Variants in SLC26A4 observed in about 807,000 individuals in gnomAD.
SLC26A4 encodes solute carrier family 26 member 4, also known as pendrin.
Under a neutral mutation model 90.4 loss-of-function variants are expected in SLC26A4, and 93 were observed. The observed-to-expected ratio is 1.03, with a 90% CI of 0.87 to 1.22. SLC26A4 has a LOEUF of 1.22. SLC26A4 is among the 50% of genes most tolerant of loss of function. The pLI, the probability that SLC26A4 is intolerant of heterozygous loss-of-function variation, is 0.00. For missense variants in SLC26A4, 1,127 were observed against 946.2 expected, an observed-to-expected ratio of 1.19 and a Z score of -2.51; for synonymous variants, 393 against 354.6, an observed-to-expected ratio of 1.11 and a Z score of -1.22.
At chr7:107,667,931 C>T (rs981493921) in intron 3 of SLC26A4, among the ~76,000 whole-genome samples, 9 of 152,048 alleles carry the variant, frequency 5.9e-5, no homozygotes, top group Admixed American at 2.6e-4. Flanking sequence ...GAATATGTCC[C>T]TTAACTTTGA....
Position 107,702,034 on chromosome 7 carries a change from G to T in SLC26A4, c.2011G>T (p.Val671Phe). The T allele has an allele frequency of 6.2e-7, 1 of 1,613,004 alleles. No individual in the cohort carries two copies. Among genetic ancestry groups the T allele is most frequent in the Non-Finnish European group, 8.5e-7 (1 of 1,179,000 alleles). Residue 671 changes from valine (V) to phenylalanine (F), a missense_variant, in exon 17 of 21, where the codon GTT (valine) becomes TTT (phenylalanine). By Grantham distance (50) the Val-to-Phe change is conservative. Transcript: ENST00000644269. ...TGGAGCTATATCTTTCCTGGACGTTGTTGGAGTGAGATCACTGCGGGTGGT... is the reference window on the plus strand; with the variant it reads ...TGGAGCTATATCTTTCCTGGACGTTTTTGGAGTGAGATCACTGCGGGTGGT... ...DCGAISFLDV[V>F]GVRSLRVIVK...
At chr7:107,684,381 A>G (rs1272620099) in intron 8 of SLC26A4, among the ~76,000 whole-genome samples, 1 of 152,170 alleles carries the variant, frequency 6.6e-6, no homozygotes, top group Non-Finnish European at 1.5e-5. Context: ...AGGGGAGGGA[A>G]GGGCACGGAG....
At chr7:107,705,703 A>T (rs1250624882) in intron 18 of SLC26A4, among the ~76,000 whole-genome samples, 1 of 152,240 alleles carries the variant, frequency 6.6e-6, no homozygotes, top group Non-Finnish European at 1.5e-5. Context: ...AGTTTTAACT[A>T]CAGCACTATC....
chr7:107,699,945 AAAAG>A (rs1791840129), intron 14 of SLC26A4, 134 bp from the exon 15 acceptor site: 1 of 649,492 alleles, frequency 1.5e-6, no homozygotes, highest in Non-Finnish European at 2.8e-6. Context: ...AAAAAAAAAG[AAAAG>A]AAAGAAAAGT....
chr7:107,714,453 T>C (rs530724505), intron 20 of SLC26A4, among the ~76,000 whole-genome samples: 2 of 152,312 alleles, frequency 1.3e-5, no homozygotes, highest in African/African-American at 2.4e-5. Flanking sequence ...AGTACCTGCA[T>C]CTTGGCCCAC....
intron 14 of SLC26A4, 42 bp from the exon 15 acceptor site, chr7:107,700,039 AGG>A: frequency 1.8e-6 from 2 of 1,112,982 alleles, no homozygotes; most frequent in South Asian, 2.5e-5. Flanking sequence ...TAAATACTTG[AGG>A]CTTGAAATTA....
chr7:107,697,769 A>T (rs1791778738), intron 13 of SLC26A4, among the ~76,000 whole-genome samples: 1 of 152,214 alleles, frequency 6.6e-6, no homozygotes, highest in Admixed American at 6.5e-5. Flanking sequence ...TGAAAGCTCT[A>T]TGCTTATCCT....
At chr7:107,707,701 T>C (rs1792070403) in intron 18 of SLC26A4, among the ~76,000 whole-genome samples, 1 of 152,188 alleles carries the variant, frequency 6.6e-6, no homozygotes, top group South Asian at 2.1e-4. Flanking sequence ...TCTATAAAAA[T>C]ATAGCACAAA....
chr7:107,711,421 A>T (rs1450473783), intron 19 of SLC26A4, among the ~76,000 whole-genome samples: 2 of 152,126 alleles, frequency 1.3e-5, no homozygotes, highest in African/African-American at 4.8e-5. Context: ...AAAACCACTA[A>T]CCAAGAGTGT....
At chr7:107,683,710 C>T (rs937994063) in intron 8 of SLC26A4, among the ~76,000 whole-genome samples, 173 bp downstream of exon 8, 4 of 151,942 alleles carry the variant, frequency 2.6e-5, no homozygotes, top group African/African-American at 7.3e-5. Flanking sequence ...TGTAGATAAA[C>T]GTCAAGCCAT....
At chr7:107,683,587 T>G in intron 8 of SLC26A4, 50 bp downstream of exon 8, 1 of 1,418,158 alleles carries the variant, frequency 7.1e-7, no homozygotes, top group Non-Finnish European at 9.9e-7. Flanking sequence ...AGTAAGTCAG[T>G]CTTTTTTATT....
Position 107,663,533 on chromosome 7 carries a change from A to G in SLC26A4, c.304+98A>G. On this transcript the variant is annotated intron_variant, in intron 3 of 20. Transcript: ENST00000644269. ...TGTGACAGATGGTTGCTTACCCTTC[A>G]AGGCCTGTATCTTTCCTGTAGAGCC... is the stretch of plus-strand genomic sequence containing the variant. 8 of 1,330,914 alleles carry G rather than the reference A, an allele frequency of 6.0e-6. No individual in the cohort carries two copies. In the Admixed American group the frequency reaches 1.4e-4, roughly 23 times the overall value. The allele number at this position is 1,330,914 out of a possible 1,614,324, so 82.4% of individuals were successfully genotyped here.
At chr7:107,696,950 C>G (rs146712890) in intron 13 of SLC26A4, among the ~76,000 whole-genome samples, 2 of 152,116 alleles carry the variant, frequency 1.3e-5, no homozygotes, top group Non-Finnish European at 2.9e-5. Flanking sequence ...GCTTAGCATC[C>G]GCTCACCTCT....
chr7:107,681,182 A>G (rs1791219987), intron 6 of SLC26A4, among the ~76,000 whole-genome samples: 2 of 152,232 alleles, frequency 1.3e-5, no homozygotes, highest in Admixed American at 1.3e-4. Context: ...TGAATTTGTT[A>G]GTACTGGATT....
intron 20 of SLC26A4, among the ~76,000 whole-genome samples, chr7:107,714,495 AC>A (rs1166992865): frequency 2.9e-4 from 44 of 152,120 alleles, no homozygotes; most frequent in Non-Finnish European, 1.5e-5. Context: ...GTCATTATCG[AC>A]CTGAGAAGTC....
At chr7:107,691,442 C>T (rs1791571303) in intron 10 of SLC26A4, among the ~76,000 whole-genome samples, 1 of 150,508 alleles carries the variant, frequency 6.6e-6, no homozygotes. Flanking sequence ...GTGGAGGTTG[C>T]AGTGAGCCAA....
chr7:107,696,678 G>A (rs1791751799), intron 13 of SLC26A4, among the ~76,000 whole-genome samples: 1 of 152,150 alleles, frequency 6.6e-6, no homozygotes, highest in South Asian at 2.1e-4. Flanking sequence ...TATGCAGAGT[G>A]AAGGCAGCAA....
Position 107,661,689 on chromosome 7 carries a change from C to T in SLC26A4, c.48C>T (p.Tyr16=), listed in dbSNP as rs1160066122. The change falls in exon 2 of 21, where the codon TAC becomes TAT. Residue 16 remains tyrosine (Y), a synonymous_variant. Transcript: ENST00000644269. This position sits in a 1 kb window ranked among gnomAD's most constrained non-coding sequence, Gnocchi z 5.1. ...GRSEPPQLPE[Y]SCSYMVSRPV... ...CGGAGCCGCCGCAGCTCCCCGAGTA[C>T]AGCTGCAGCTACATGGTGTCGCGGC... 2 of 1,572,862 alleles carry T rather than the reference C, an allele frequency of 1.3e-6. No homozygotes were observed. Among genetic ancestry groups the T allele is most frequent in the Non-Finnish European group, 1.7e-6 (2 of 1,163,590 alleles).
intron 5 of SLC26A4, 91 bp downstream of exon 5, chr7:107,674,439 A>G (rs1370176828): frequency 1.8e-5 from 20 of 1,081,284 alleles, no homozygotes; most frequent in Non-Finnish European, 8.3e-6. Context: ...TACTAAAAAC[A>G]AAACAAAGTA....
Sources: gnomAD v4.1 joint callset for allele counts (sites outside exome capture counted in the v4.1 genomes callset) on GRCh38, gnomAD v4.1.1 for gene constraint, Gnocchi (gnomAD v3.1) non-coding constraint, MANE v1.5 for transcripts, NCBI Gene and HGNC (gene_info 2026-07-23, HGNC 2026-07-21) for gene names.